Variants in KCNIP4 observed in about 807,000 individuals in gnomAD.
KCNIP4 encodes the protein Kv channel-interacting protein 4.
Under a neutral mutation model 34.0 loss-of-function variants are expected in KCNIP4, and 12 were observed. The observed-to-expected ratio is 0.35, with a 90% CI of 0.23 to 0.57. The LOEUF (loss-of-function observed/expected upper bound fraction) is 0.57. Among genes scored for constraint, KCNIP4 ranks in the 20% least tolerant of loss-of-function variants. The pLI is 0.83. For missense variants in KCNIP4, 238 were observed against 311.7 expected (o/e 0.76, Z 1.78); for synonymous variants, 124 against 102.2 (o/e 1.21, Z -1.29).
In KCNIP4 at chr4:20,730,026, T is replaced by C. The variant is rs1162703147; in HGVS notation, c.*56A>G. On this transcript the variant is annotated 3_prime_UTR_variant, in exon 9 of 9. Transcript: ENST00000382152. ...ATGCTAAAAGTGGTAGCTCCAACTT[T>C]AAGGGTGGTAGAATAGTTCACATTT... 2.6e-6 allele frequency: 4 copies of C among 1,555,884 alleles called. No homozygotes were observed. The highest frequency in any genetic ancestry group is 1.4e-5 in the African/African-American group (1 of 72,716).
chr4:21,886,880 C>A (rs1726797202), intron 1 of KCNIP4, among the ~76,000 whole-genome samples: 1 of 151,872 alleles, frequency 6.6e-6, no homozygotes, highest in East Asian at 1.9e-4. Context: ...GAAACTAAGC[C>A]ATGTATAATA....
intron 1 of KCNIP4, among the ~76,000 whole-genome samples, chr4:21,794,483 G>A (rs1720502396): frequency 6.6e-6 from 1 of 152,192 alleles, no homozygotes; most frequent in Non-Finnish European, 1.5e-5. Flanking sequence ...ATCTGAGTAT[G>A]TAGAGCAATA....
chr4:21,054,863 A>G (rs1393326166), intron 1 of KCNIP4, among the ~76,000 whole-genome samples: 3 of 152,302 alleles, frequency 2.0e-5, no homozygotes, highest in Admixed American at 6.5e-5. Flanking sequence ...AATGGTAATG[A>G]CATTTTAGAT....
intron 1 of KCNIP4, among the ~76,000 whole-genome samples, chr4:21,516,708 G>A (rs1330803132): frequency 6.6e-6 from 1 of 152,148 alleles, no homozygotes; most frequent in Non-Finnish European, 1.5e-5. Context: ...GTTATGCCTG[G>A]GAAGAGGAAG....
At chr4:21,570,235 G>C (rs1400969744) in intron 1 of KCNIP4, among the ~76,000 whole-genome samples, 3 of 152,148 alleles carry the variant, frequency 2.0e-5, no homozygotes, top group Non-Finnish European at 2.9e-5. Context: ...GTGGTGGATA[G>C]CGGTAGGACT....
intron 1 of KCNIP4, among the ~76,000 whole-genome samples, chr4:21,533,319 C>T (rs1366823983): frequency 6.6e-6 from 1 of 151,984 alleles, no homozygotes; most frequent in East Asian, 1.9e-4. Context: ...GTTTGCTATT[C>T]AAAATCTCCC....
chr4:21,893,615 C>A (rs868218620), intron 1 of KCNIP4, among the ~76,000 whole-genome samples: 3 of 152,110 alleles, frequency 2.0e-5, no homozygotes, highest in Non-Finnish European at 4.4e-5. Flanking sequence ...GCAAAGCAAT[C>A]CAACATTTGC....
intron 1 of KCNIP4, among the ~76,000 whole-genome samples, chr4:21,185,001 A>G (rs1279967564): frequency 6.6e-6 from 1 of 152,178 alleles, no homozygotes; most frequent in Non-Finnish European, 1.5e-5. Flanking sequence ...AGGTAAGCAC[A>G]TCCGAACAGG....
intron 1 of KCNIP4, among the ~76,000 whole-genome samples, chr4:21,763,731 C>T (rs1339742541): frequency 6.6e-6 from 1 of 152,152 alleles, no homozygotes; most frequent in African/African-American, 2.4e-5. Context: ...AAGTAGAATG[C>T]TTCTTCCACT....
rs77807856 is a variant in KCNIP4, at chr4:21,111,525, G to T, written c.62-228816C>A. The stretch of plus-strand genomic sequence containing the variant: ...AAGTCCTTCTCATCTAGAACAGGTA[G>T]GAACAGAAAAAGTCTCCTGCCTGAG... On this transcript the variant is annotated intron_variant, in intron 1 of 8. Coordinates refer to ENST00000382152, the MANE Select transcript of KCNIP4 (RefSeq NM_025221.6). Among the ~76,000 whole-genome samples the T allele has an allele frequency of 7.4e-3, 1,121 of 152,296 alleles. 8 individuals carry two copies. Among genetic ancestry groups the T allele is most frequent in the Non-Finnish European group, 0.011 (776 of 68,014 alleles).
At chr4:21,192,955 A>AC (rs1560797643) in intron 1 of KCNIP4, among the ~76,000 whole-genome samples, 11,785 of 138,896 alleles carry the variant, frequency 0.085, 619 homozygotes, top group Admixed American at 0.12. Flanking sequence ...ACTACTACTA[A>AC]TAATAATAAT....
chr4:21,211,583 C>T (rs962628727), intron 1 of KCNIP4, among the ~76,000 whole-genome samples: 1 of 152,094 alleles, frequency 6.6e-6, no homozygotes, highest in African/African-American at 2.4e-5. Flanking sequence ...GAAAAATTGT[C>T]TTCCAGGAAA....
At chr4:21,493,014 A>C (rs1359081003) in intron 1 of KCNIP4, among the ~76,000 whole-genome samples, 1 of 152,154 alleles carries the variant, frequency 6.6e-6, no homozygotes, top group African/African-American at 2.4e-5. Context: ...AGAGGAGCTT[A>C]TGAGAGAAAC....
At chr4:21,543,092 T>C (rs1238856950) in intron 1 of KCNIP4, among the ~76,000 whole-genome samples, 3 of 152,024 alleles carry the variant, frequency 2.0e-5, no homozygotes, top group East Asian at 3.9e-4. Flanking sequence ...AAAATGTATA[T>C]AATATTACAA....
chr4:21,682,575 T>C (rs1750451918), intron 1 of KCNIP4, among the ~76,000 whole-genome samples: 2 of 152,206 alleles, frequency 1.3e-5, no homozygotes, highest in African/African-American at 4.8e-5. Context: ...AACTAACAGT[T>C]TGACATGAGA....
At chr4:21,369,644 G>A (rs138521508) in intron 1 of KCNIP4, among the ~76,000 whole-genome samples, 2 of 146,858 alleles carry the variant, frequency 1.4e-5, no homozygotes, top group South Asian at 2.1e-4. Flanking sequence ...ATTTTCTGAT[G>A]TTCAGATGCT....
At chr4:21,924,543 C>A (rs1729126646) in intron 1 of KCNIP4, among the ~76,000 whole-genome samples, 1 of 152,004 alleles carries the variant, frequency 6.6e-6, no homozygotes, top group African/African-American at 2.4e-5. Flanking sequence ...CGCGCCTGGA[C>A]AATATATTTC....
intron 1 of KCNIP4, among the ~76,000 whole-genome samples, chr4:21,503,835 G>C (rs1733568761): frequency 6.6e-6 from 1 of 152,192 alleles, no homozygotes; most frequent in African/African-American, 2.4e-5. Flanking sequence ...TTTCATGAGA[G>C]CAGTGTCTTA....
At chr4:20,740,387 G>A (rs1750773745) in intron 5 of KCNIP4, among the ~76,000 whole-genome samples, 1 of 152,202 alleles carries the variant, frequency 6.6e-6, no homozygotes, top group South Asian at 2.1e-4. Flanking sequence ...ACTCTCGGCA[G>A]AAACTTTACA....
Sources: gnomAD v4.1 joint callset for allele counts (sites outside exome capture counted in the v4.1 genomes callset) on GRCh38, gnomAD v4.1.1 for gene constraint, MANE v1.5 for transcripts, NCBI Gene and HGNC (gene_info 2026-07-23, HGNC 2026-07-21) for gene names.